The following AGBL4 variants were observed in gnomAD, a reference collection of about 807,000 sequenced individuals.
AGBL4 encodes the protein cytosolic carboxypeptidase 6.
A neutral mutation model predicts 66.4 loss-of-function variants in AGBL4; 58 were observed. That is an observed-to-expected ratio of 0.87 (90% CI 0.71 to 1.09). The LOEUF is 1.09. Among genes scored for constraint, AGBL4 ranks in the 50% least tolerant of loss-of-function variants. The pLI, the probability that AGBL4 is intolerant of heterozygous loss-of-function variation, is 0.00. For synonymous variants in AGBL4, 234 were observed against 222.9 expected, an observed-to-expected ratio of 1.05 and a Z score of -0.44; for missense variants, 579 against 631.0, an observed-to-expected ratio of 0.92 and a Z score of 0.88.
At chr1:48,703,616 T>C (rs1286872057) in intron 6 of AGBL4, among the ~76,000 whole-genome samples, 1 of 152,276 alleles carries the variant, frequency 6.6e-6, no homozygotes. Context: ...TTCCAGGCAA[T>C]GTTAATAATA....
At chr1:49,008,207 A>G (rs1662030441) in intron 5 of AGBL4, among the ~76,000 whole-genome samples, 1 of 151,814 alleles carries the variant, frequency 6.6e-6, no homozygotes, top group Non-Finnish European at 1.5e-5. Flanking sequence ...GGAAAACAAA[A>G]AAAGGCAGGG....
At chr1:49,714,253 G>C (rs1022358505) in intron 2 of AGBL4, among the ~76,000 whole-genome samples, 4 of 151,804 alleles carry the variant, frequency 2.6e-5, no homozygotes, top group African/African-American at 9.7e-5. Flanking sequence ...TTGTAACATG[G>C]ATATATTGCA....
At chr1:49,275,311 C>T (rs1377215719) in intron 3 of AGBL4, among the ~76,000 whole-genome samples, 1 of 152,064 alleles carries the variant, frequency 6.6e-6, no homozygotes, top group African/African-American at 2.4e-5. Flanking sequence ...GGCCCATGCA[C>T]CCCAAGATTT....
chr1:48,752,283 AG>A (rs1406287644), intron 6 of AGBL4, among the ~76,000 whole-genome samples: 3 of 152,174 alleles, frequency 2.0e-5, no homozygotes, highest in African/African-American at 7.2e-5. Flanking sequence ...TGAGATAAAC[AG>A]GCCCCAAGAA....
intron 1 of AGBL4, among the ~76,000 whole-genome samples, chr1:49,955,988 A>G (rs968743964): frequency 6.6e-6 from 1 of 151,934 alleles, no homozygotes; most frequent in Non-Finnish European, 1.5e-5. Context: ...AAATGGATTC[A>G]GCAAATGTAT....
At chr1:49,719,095 T>C (rs1648392407) in intron 2 of AGBL4, among the ~76,000 whole-genome samples, 2 of 151,902 alleles carry the variant, frequency 1.3e-5, no homozygotes, top group Admixed American at 1.3e-4. Context: ...TGTGATTCTA[T>C]AAAAGAAGGA....
chr1:49,929,989 TTAA>T (rs1172484231), intron 1 of AGBL4, among the ~76,000 whole-genome samples: 1 of 151,996 alleles, frequency 6.6e-6, no homozygotes, highest in African/African-American at 2.4e-5. Flanking sequence ...AAAGTTATAC[TTAA>T]TAAACAAAGA....
At chr1:49,781,004 A>G (rs1373933257) in intron 2 of AGBL4, among the ~76,000 whole-genome samples, 5 of 152,190 alleles carry the variant, frequency 3.3e-5, no homozygotes, top group Non-Finnish European at 5.9e-5. Context: ...AAAGATACAA[A>G]TTGATGATAA....
chr1:49,874,946 G>A (rs1360826734), intron 1 of AGBL4, among the ~76,000 whole-genome samples: 1 of 146,770 alleles, frequency 6.8e-6, no homozygotes, highest in Non-Finnish European at 1.5e-5. Flanking sequence ...TCTAGCATTA[G>A]GTATATCTCC....
chr1:48,698,860 G>C (rs188550119), intron 6 of AGBL4, among the ~76,000 whole-genome samples: 80 of 152,232 alleles, frequency 5.3e-4, no homozygotes, highest in Admixed American at 1.5e-3. Context: ...ACTGGTCACA[G>C]AGCAAAAAAA....
chr1:49,883,232 A>G (rs995534257), intron 1 of AGBL4, among the ~76,000 whole-genome samples: 35 of 152,136 alleles, frequency 2.3e-4, no homozygotes, highest in Admixed American at 1.7e-3. Context: ...TAGCGATTCC[A>G]CACACAAATA....
chr1:48,746,909 A>G (rs559973650), intron 6 of AGBL4, among the ~76,000 whole-genome samples: 1 of 152,214 alleles, frequency 6.6e-6, no homozygotes, highest in South Asian at 2.1e-4. Flanking sequence ...GCATTACAGG[A>G]TCAGAAAGAA....
Position 49,053,057 on chromosome 1 carries a change from C to T in AGBL4, c.378-7257G>A, listed in dbSNP as rs146431969. Among the ~76,000 whole-genome samples, 220 of 152,116 alleles carry T rather than the reference C, an allele frequency of 1.4e-3. 1 individual carries two copies. The highest frequency in any genetic ancestry group is 6.8e-3 in the Middle Eastern group (2 of 294). On this transcript the variant is annotated intron_variant, in intron 4 of 13. Transcript: ENST00000371839. ...TTTGGAGATTGGTACCTGACACATA[C>T]GGGGTGCTTAGTAAATGGTAAATGT...
intron 2 of AGBL4, among the ~76,000 whole-genome samples, chr1:49,815,111 T>C (rs1470387615): frequency 6.6e-6 from 1 of 152,148 alleles, no homozygotes; most frequent in East Asian, 1.9e-4. Context: ...GTACTAGGTC[T>C]TACTCATTCT....
At chr1:48,776,814 C>G in intron 6 of AGBL4, 1 of 1,521,504 alleles carries the variant, frequency 6.6e-7, no homozygotes, top group Non-Finnish European at 8.8e-7. Flanking sequence ...CCTCCAGGAA[C>G]CGCACAAAGG....
chr1:49,046,825 A>T (rs1459781638), intron 4 of AGBL4, among the ~76,000 whole-genome samples: 1 of 152,184 alleles, frequency 6.6e-6, no homozygotes, highest in Non-Finnish European at 1.5e-5. Context: ...GTTGATTTGG[A>T]AGATCCTTAA....
rs371863311 is a variant in AGBL4 at position 49,147,205 on chromosome 1, G to T, written c.377+98565C>A. On this transcript the variant is annotated intron_variant, in intron 4 of 13. Transcript: ENST00000371839. ...GAAAATCCATGCCCTGGAGACTCTGGGGTAGGACACAATTGCCTGAACTGT... is the reference window on the plus strand; with the variant it reads ...GAAAATCCATGCCCTGGAGACTCTGTGGTAGGACACAATTGCCTGAACTGT... Among the ~76,000 whole-genome samples the T allele has an allele frequency of 1.7e-4, 26 of 152,188 alleles. 2 individuals carry two copies. The East Asian group carries it at 3.1e-3, about 18-fold the overall frequency.
intron 1 of AGBL4, among the ~76,000 whole-genome samples, chr1:49,881,563 T>C (rs981341781): frequency 8.6e-5 from 13 of 150,450 alleles, no homozygotes; most frequent in Non-Finnish European, 3.0e-5. Context: ...TTCCTGACTT[T>C]TTAATGATTG....
intron 4 of AGBL4, among the ~76,000 whole-genome samples, chr1:49,196,976 C>T (rs1434409445): frequency 3.9e-5 from 6 of 152,014 alleles, no homozygotes; most frequent in South Asian, 2.1e-4. Flanking sequence ...TACAAGCACA[C>T]GTCACCATGC....
Sources: gnomAD v4.1 joint callset for allele counts (sites outside exome capture counted in the v4.1 genomes callset) on GRCh38, gnomAD v4.1.1 for gene constraint, MANE v1.5 for transcripts, NCBI Gene and HGNC (gene_info 2026-07-23, HGNC 2026-07-21) for gene names.